Variants in CHST9 observed in about 807,000 individuals in gnomAD.
The protein encoded by CHST9 is carbohydrate sulfotransferase 9.
A neutral mutation model predicts 44.4 loss-of-function variants in CHST9; 41 were observed. That is an observed-to-expected ratio of 0.92 (90% CI 0.72 to 1.20). CHST9 has a LOEUF of 1.20. CHST9 is among the 50% of genes most tolerant of loss of function. CHST9 has a pLI of 0.00. For missense variants in CHST9, 504 were observed against 516.5 expected (o/e 0.98, Z 0.23); for synonymous variants, 171 against 178.4 (o/e 0.96, Z 0.33).
At chr18:27,159,631 T>C (rs971527650) in intron 1 of CHST9, among the ~76,000 whole-genome samples, 11 of 152,182 alleles carry the variant, frequency 7.2e-5, no homozygotes, top group Admixed American at 5.2e-4. Flanking sequence ...AGCAGTTTTT[T>C]CCAATTCTGT....
chr18:26,978,902 C>T (rs535337338), intron 4 of CHST9, among the ~76,000 whole-genome samples: 2 of 152,218 alleles, frequency 1.3e-5, no homozygotes, highest in African/African-American at 2.4e-5. Context: ...TACAAAGGGA[C>T]GAACCCAAGG....
chr18:27,024,137 A>G lies in CHST9; in HGVS notation c.181T>C (p.Leu61=). 1 of 1,612,564 alleles carries G rather than the reference A, an allele frequency of 6.2e-7. No homozygotes were observed. The highest frequency in any genetic ancestry group is 8.5e-7 in the Non-Finnish European group (1 of 1,179,348). The change falls in exon 4 of 6, where the codon TTG becomes CTG. Residue 61 remains leucine, a synonymous_variant. Coordinates refer to ENST00000618847, the MANE Select transcript of CHST9 (RefSeq NM_031422.6). ...TCACTGATTCTGGGTACAGGCCGCA[A>G]GTACTTCACTGGTCCCCATCCTGAA... ...VTSGWGPVKY[L]RPVPRIMSTE...
At chr18:27,010,519 C>T (rs1408941133) in intron 4 of CHST9, among the ~76,000 whole-genome samples, 1 of 152,122 alleles carries the variant, frequency 6.6e-6, no homozygotes, top group African/African-American at 2.4e-5. Flanking sequence ...AGGTCTGCTG[C>T]CCTACAGCCT....
At chr18:26,933,876 A>C (rs2055927078) in intron 5 of CHST9, 2 of 153,324 alleles carry the variant, frequency 1.3e-5, no homozygotes, top group African/African-American at 4.8e-5. Context: ...TGTCAGAGGG[A>C]GAGTGGGAAG....
intron 4 of CHST9, among the ~76,000 whole-genome samples, chr18:27,013,441 G>A (rs2057109004): frequency 6.6e-6 from 1 of 152,000 alleles, no homozygotes; most frequent in Non-Finnish European, 1.5e-5. Context: ...AAAAAATTAG[G>A]AAAAATAATT....
chr18:26,920,448 T>C (rs905684541), intron 5 of CHST9, among the ~76,000 whole-genome samples: 4 of 152,224 alleles, frequency 2.6e-5, no homozygotes, highest in East Asian at 1.9e-4. Context: ...ATTTTTCTCA[T>C]AGCACTAATC....
At position 27,044,852 on chromosome 18, in the gene CHST9, A is replaced by AT. The variant is rs368520027; in HGVS notation, c.160+3612dup. Among the ~76,000 whole-genome samples, 36 of 151,846 alleles carry AT rather than the reference A, an allele frequency of 2.4e-4. No individual in the cohort carries two copies. The East Asian group carries it at 4.7e-3, about 20-fold the overall frequency. On this transcript the variant is annotated intron_variant, in intron 3 of 5. Coordinates refer to ENST00000618847, the MANE Select transcript of CHST9 (RefSeq NM_031422.6). ...GATTTTATTCAGTATCTACTTAACT[A>AT]TTTTTTTTATCCTGAATGACTGCAT...
intron 2 of CHST9, among the ~76,000 whole-genome samples, chr18:27,091,955 C>T (rs1387183886): frequency 6.6e-6 from 1 of 152,174 alleles, no homozygotes; most frequent in African/African-American, 2.4e-5. Context: ...ATGATGTTGG[C>T]TTCATAAAAT....
chr18:27,071,722 A>G lies in CHST9; in HGVS notation c.122-23219T>C, dbSNP rs556639069. On this transcript the variant is annotated intron_variant, in intron 2 of 5. Transcript: ENST00000618847. ...GTTGAGAAATTAGCTGCCAGGACAAAATGAACTGTGCATTATTCATATAAA... is the reference window on the plus strand; with the variant it reads ...GTTGAGAAATTAGCTGCCAGGACAAGATGAACTGTGCATTATTCATATAAA... Among the ~76,000 whole-genome samples, 11 of 152,312 alleles carry G rather than the reference A, an allele frequency of 7.2e-5. No individual in the cohort carries two copies. In the East Asian group the frequency reaches 2.1e-3, roughly 29 times the overall value.
At chr18:27,074,348 A>G (rs1212781335) in intron 2 of CHST9, among the ~76,000 whole-genome samples, 1 of 152,220 alleles carries the variant, frequency 6.6e-6, no homozygotes, top group African/African-American at 2.4e-5. Flanking sequence ...AGTAACTGAC[A>G]TAGTCTTTAA....
intron 2 of CHST9, among the ~76,000 whole-genome samples, chr18:27,118,797 C>A (rs932830634): frequency 6.6e-6 from 1 of 152,190 alleles, no homozygotes; most frequent in Non-Finnish European, 1.5e-5. Context: ...CCCAAGTAGT[C>A]CCACAGTCTT....
chr18:27,014,390 C>G (rs1158312727), intron 4 of CHST9, among the ~76,000 whole-genome samples: 2 of 135,214 alleles, frequency 1.5e-5, no homozygotes, highest in Non-Finnish European at 3.1e-5. Context: ...GGAGGCGGAG[C>G]TTGCAGTGAG....
intron 4 of CHST9, among the ~76,000 whole-genome samples, chr18:26,970,806 C>T (rs918312989): frequency 3.9e-5 from 6 of 152,190 alleles, no homozygotes; most frequent in African/African-American, 7.2e-5. Flanking sequence ...CATCTAAAGT[C>T]GTGGAGCCAG....
Position 26,912,921 on chromosome 18 carries a change from T to TA in CHST9, c.*3337dup, listed in dbSNP as rs1171070841. ...CGCCTTTGGCCAATCCTTTTTCAAG[T>TA]ATCAGAGCATCTTGGGAGGGTTAGC... On this transcript the variant is annotated 3_prime_UTR_variant, in exon 6 of 6. Transcript: ENST00000618847. 1.3e-5 allele frequency: 2 copies of TA among 152,210 alleles called. No individual in the cohort carries two copies. Among genetic ancestry groups the TA allele is most frequent in the Non-Finnish European group, 2.9e-5 (2 of 68,036 alleles). The allele number at this position is 152,210 out of a possible 1,614,324, so 9.4% of individuals were successfully genotyped here.
rs375614523 is a variant in CHST9, at chr18:27,012,028, C to A, written c.202+12088G>T. ...GTATCTAGTTGTGCTTTGGTCCATG[C>A]AAGCCTTTCTACATGATACTGGGGA... On this transcript the variant is annotated intron_variant, in intron 4 of 5. Transcript: ENST00000618847. Among the ~76,000 whole-genome samples, 6 of 152,322 alleles carry A rather than the reference C, an allele frequency of 3.9e-5. No individual in the cohort carries two copies. The East Asian group carries it at 1.2e-3, about 29-fold the overall frequency.
At chr18:27,071,957 T>C (rs2057845368) in intron 2 of CHST9, among the ~76,000 whole-genome samples, 1 of 152,226 alleles carries the variant, frequency 6.6e-6, no homozygotes, top group African/African-American at 2.4e-5. Context: ...ATTGGCCTTC[T>C]ACATATTTGC....
Position 26,963,529 on chromosome 18 carries a change from G to A in CHST9, c.203-19163C>T, listed in dbSNP as rs147669015. Among the ~76,000 whole-genome samples, 586 of 151,710 alleles carry A rather than the reference G, an allele frequency of 3.9e-3. 3 individuals are homozygous for A. The highest frequency in any genetic ancestry group is 0.014 in the African/African-American group (572 of 41,296). On this transcript the variant is annotated intron_variant, in intron 4 of 5. Transcript: ENST00000618847. Reference sequence around the variant, plus strand: ...ATGGAAAAACTTCACAGAGCCCTAGGGTGCTGGGCAGCGCAGATTCCAGCT... The same window carrying A: ...ATGGAAAAACTTCACAGAGCCCTAGAGTGCTGGGCAGCGCAGATTCCAGCT...
intron 1 of CHST9, among the ~76,000 whole-genome samples, chr18:27,167,204 T>C (rs966398365): frequency 6.6e-6 from 1 of 152,224 alleles, no homozygotes; most frequent in African/African-American, 2.4e-5. Flanking sequence ...TAACTCACCA[T>C]AGTCAATTTG....
rs2055456189 is a variant in CHST9 at position 26,912,575 on chromosome 18, T to G, written c.*3684A>C. ...ATTTGCTGCTTGGCTTCATCCTGGC[T>G]TCTGACCTACTTATCATCTCTGTCT... On this transcript the variant is annotated 3_prime_UTR_variant, in exon 6 of 6. Transcript: ENST00000618847. 1 of 152,232 alleles carries G rather than the reference T, an allele frequency of 6.6e-6. No homozygotes were observed. The highest frequency in any genetic ancestry group is 6.5e-5 in the Admixed American group (1 of 15,276). 9.4% of individuals were successfully genotyped at this position (152,232 alleles called of 1,614,324 possible).
Sources: gnomAD v4.1 joint callset for allele counts (sites outside exome capture counted in the v4.1 genomes callset) on GRCh38, gnomAD v4.1.1 for gene constraint, MANE v1.5 for transcripts, NCBI Gene and HGNC (gene_info 2026-07-23, HGNC 2026-07-21) for gene names.